The following NRXN3 variants were observed in gnomAD, a reference collection of about 807,000 sequenced individuals.
NRXN3 encodes the protein neurexin 3, also known as neurexin III.
NRXN3 carries 32 observed loss-of-function variants against 137.6 expected under a neutral mutation model. The observed-to-expected ratio is 0.23, with a 90% CI of 0.18 to 0.31. NRXN3 has a LOEUF of 0.31. NRXN3 is among the 10% of genes least tolerant of loss of function. The pLI is 1.00. For synonymous variants in NRXN3, 798 were observed against 784.5 expected (o/e 1.02, Z -0.29); for missense variants, 1,574 against 2,062.5 (o/e 0.76, Z 4.59).
intron 4 of NRXN3, among the ~76,000 whole-genome samples, chr14:78,491,625 G>A (rs1490140856): frequency 6.6e-6 from 1 of 152,092 alleles, no homozygotes; most frequent in African/African-American, 2.4e-5. Flanking sequence ...GGAATATCTG[G>A]CAGATATCAT....
At chr14:79,176,212 T>C (rs1016865598) in intron 15 of NRXN3, among the ~76,000 whole-genome samples, 2 of 152,212 alleles carry the variant, frequency 1.3e-5, no homozygotes, top group Non-Finnish European at 2.9e-5. Context: ...TCTGCCTCAC[T>C]CCACTAGAAT....
At chr14:78,344,561 A>G (rs214015) in intron 4 of NRXN3, among the ~76,000 whole-genome samples, 152,077 of 152,302 alleles carry the variant, frequency 1, 75,926 homozygotes, top group Middle Eastern at 1. Context: ...AAGCCGGGCT[A>G]CCACTGGCAT....
intron 15 of NRXN3, chr14:79,280,109 T>A: frequency 7.1e-7 from 1 of 1,407,742 alleles, no homozygotes; most frequent in South Asian, 1.7e-5. Context: ...CTTTTTTTTT[T>A]CTTTCTTTAA....
chr14:79,346,892 C>A (rs948523296), intron 15 of NRXN3, among the ~76,000 whole-genome samples: 3 of 152,108 alleles, frequency 2.0e-5, no homozygotes, highest in African/African-American at 7.2e-5. Flanking sequence ...TGTTTATCAC[C>A]CCAGGCTCAA....
chr14:79,791,517 AATTATATATTATAATAATTATAAT>A (rs2140299898), intron 19 of NRXN3, among the ~76,000 whole-genome samples: 3 of 119,854 alleles, frequency 2.5e-5, no homozygotes, highest in African/African-American at 1.1e-4. Context: ...AATTATAATT[AATTATATATTATAATAATTATAAT>A]TAATTATATA....
At chr14:78,908,252 A>G (rs182405126) in intron 10 of NRXN3, among the ~76,000 whole-genome samples, 2 of 152,176 alleles carry the variant, frequency 1.3e-5, no homozygotes, top group Admixed American at 6.6e-5. Context: ...TATAGAAACA[A>G]GTAGTGTAGA....
chr14:78,561,647 A>C (rs2096787117), intron 4 of NRXN3, among the ~76,000 whole-genome samples: 1 of 152,172 alleles, frequency 6.6e-6, no homozygotes, highest in African/African-American at 2.4e-5. Context: ...CCAAAATGAT[A>C]TGATTTTCAG....
intron 4 of NRXN3, among the ~76,000 whole-genome samples, chr14:78,506,522 A>G (rs891409894): frequency 2.0e-5 from 3 of 151,942 alleles, no homozygotes; most frequent in Non-Finnish European, 4.4e-5. Flanking sequence ...CTCATACTAC[A>G]TTCCTACCAA....
chr14:79,349,827 T>A (rs559487214), intron 15 of NRXN3, among the ~76,000 whole-genome samples: 54 of 152,110 alleles, frequency 3.6e-4, no homozygotes, highest in African/African-American at 1.3e-3. Flanking sequence ...GAAAGAAGAT[T>A]ATGCAAAGAG....
At chr14:79,011,251 A>G (rs767998929) in intron 15 of NRXN3, among the ~76,000 whole-genome samples, 48 of 152,256 alleles carry the variant, frequency 3.2e-4, no homozygotes, top group South Asian at 6.2e-4. Context: ...AGATCCAAGC[A>G]AACATTTGTC....
chr14:79,377,054 C>T (rs1157957831), intron 15 of NRXN3, among the ~76,000 whole-genome samples: 1 of 152,156 alleles, frequency 6.6e-6, no homozygotes, highest in East Asian at 1.9e-4. Flanking sequence ...TTATTAGGCA[C>T]TTACTCTGTG....
At chr14:78,355,312 C>T (rs900690057) in intron 4 of NRXN3, among the ~76,000 whole-genome samples, 27 of 151,392 alleles carry the variant, frequency 1.8e-4, no homozygotes, top group African/African-American at 6.5e-4. Context: ...ACAAGATAGG[C>T]AGGAGCTGGC....
intron 20 of NRXN3, among the ~76,000 whole-genome samples, chr14:79,811,733 CA>C: frequency 6.6e-6 from 1 of 151,990 alleles, no homozygotes; most frequent in Non-Finnish European, 1.5e-5. Context: ...AGACGCCCGC[CA>C]CCACGCCCGG....
At chr14:79,094,971 A>T (rs1299599293) in intron 15 of NRXN3, among the ~76,000 whole-genome samples, 17 of 100,284 alleles carry the variant, frequency 1.7e-4, no homozygotes, top group African/African-American at 6.0e-4. Flanking sequence ...AGAGAGAGAG[A>T]GAGAGAGAGT....
At chr14:78,811,641 G>C (rs1053887626) in intron 10 of NRXN3, among the ~76,000 whole-genome samples, 2 of 152,056 alleles carry the variant, frequency 1.3e-5, no homozygotes, top group African/African-American at 4.8e-5. Context: ...TGGTTTACTT[G>C]TTGATTCCAT....
intron 20 of NRXN3, among the ~76,000 whole-genome samples, chr14:79,830,974 CAAGT>C (rs2099321474): frequency 4.6e-5 from 7 of 152,078 alleles, no homozygotes; most frequent in Admixed American, 4.6e-4. Flanking sequence ...TTTTAGATGA[CAAGT>C]ATTAAGTTGA....
At chr14:79,234,096 C>G (rs1472859287) in intron 15 of NRXN3, among the ~76,000 whole-genome samples, 1 of 150,276 alleles carries the variant, frequency 6.7e-6, no homozygotes, top group Non-Finnish European at 1.5e-5. Flanking sequence ...TATTTCCTCT[C>G]AAGACAAACA....
chr14:78,444,214 C>T (rs2094345781), intron 4 of NRXN3, among the ~76,000 whole-genome samples: 8 of 152,184 alleles, frequency 5.3e-5, no homozygotes, highest in Admixed American at 5.2e-4. Flanking sequence ...CTCACAAGAA[C>T]ATGATGACAT....
chr14:78,972,134 A>G (rs2099443985), intron 14 of NRXN3, among the ~76,000 whole-genome samples: 2 of 152,214 alleles, frequency 1.3e-5, no homozygotes, highest in African/African-American at 4.8e-5. Flanking sequence ...ACCTGATTTA[A>G]TATGTGGCTG....
Sources: allele counts gnomAD v4.1 joint callset (sites outside exome capture counted in the v4.1 genomes callset), GRCh38; gene constraint gnomAD v4.1.1; transcripts MANE v1.5; gene names NCBI Gene and HGNC (gene_info 2026-07-23, HGNC 2026-07-21).